Variants in PPARG observed in about 807,000 individuals in gnomAD.
PPARG encodes peroxisome proliferator-activated receptor gamma.
A neutral mutation model predicts 39.2 loss-of-function variants in PPARG; 17 were observed. The observed-to-expected ratio is 0.43, with a 90% CI of 0.30 to 0.65. The LOEUF (loss-of-function observed/expected upper bound fraction) is 0.65. Ranked by LOEUF, PPARG falls within the 30% of genes least tolerant of loss-of-function variation. The probability of loss-of-function intolerance (pLI) is 0.13; values close to 1 mark genes in which losing one functional copy is unlikely to be tolerated. For synonymous variants in PPARG, 223 were observed against 215.7 expected (o/e 1.03, Z -0.30); for missense variants, 406 against 585.9 (o/e 0.69, Z 3.17).
chr3:12,433,754 C>T (rs2051751467), intron 7 of PPARG, 144 bp from the exon 8 acceptor site: 1 of 1,151,046 alleles, frequency 8.7e-7, no homozygotes, highest in African/African-American at 1.5e-5. Flanking sequence ...GCTTACCCTT[C>T]CTCCCCACCT....
intron 1 of PPARG, among the ~76,000 whole-genome samples, chr3:12,294,991 G>T (rs188984204): frequency 9.9e-5 from 15 of 152,276 alleles, no homozygotes; most frequent in Non-Finnish European, 1.9e-4. Flanking sequence ...AAACTTAGTA[G>T]CCACCTCAAA....
chr3:12,332,032 G>A (rs1364820890), intron 2 of PPARG, among the ~76,000 whole-genome samples: 3 of 152,204 alleles, frequency 2.0e-5, no homozygotes, highest in Admixed American at 6.5e-5. Context: ...GAAACTATAT[G>A]TGTGGAGATA....
intron 4 of PPARG, among the ~76,000 whole-genome samples, chr3:12,385,722 G>A (rs1390512434): frequency 6.6e-6 from 1 of 152,082 alleles, no homozygotes; most frequent in Non-Finnish European, 1.5e-5. Flanking sequence ...CCACTTGTAT[G>A]TCTATTCATC....
chr3:12,303,227 C>T (rs564271093), intron 1 of PPARG, among the ~76,000 whole-genome samples: 53 of 151,512 alleles, frequency 3.5e-4, no homozygotes, highest in African/African-American at 1.1e-3. Flanking sequence ...GATGGAGTCT[C>T]ACTCTGTCAC....
intron 4 of PPARG, among the ~76,000 whole-genome samples, chr3:12,391,278 T>C (rs55825036): frequency 0.11 from 17,405 of 152,046 alleles, 3,248 homozygotes; most frequent in African/African-American, 0.39. Flanking sequence ...ACTAAAACAA[T>C]AATAAGTAAA....
At chr3:12,366,655 A>G (rs2049027432) in intron 2 of PPARG, among the ~76,000 whole-genome samples, 1 of 151,996 alleles carries the variant, frequency 6.6e-6, no homozygotes, top group African/African-American at 2.4e-5. Context: ...TGATATGATC[A>G]TGTGATTTTT....
intron 7 of PPARG, 103 bp from the exon 8 acceptor site, chr3:12,433,795 A>T: frequency 6.5e-7 from 1 of 1,546,214 alleles, no homozygotes; most frequent in Non-Finnish European, 8.9e-7. Context: ...CAAACCAAAA[A>T]TACAGATGAG....
At chr3:12,427,367 G>T (rs1023356758) in intron 7 of PPARG, among the ~76,000 whole-genome samples, 1 of 152,142 alleles carries the variant, frequency 6.6e-6, no homozygotes, top group Non-Finnish European at 1.5e-5. Flanking sequence ...AACCCCAAAC[G>T]TGTCTGCATC....
At chr3:12,342,165 A>G (rs9870196) in intron 2 of PPARG, among the ~76,000 whole-genome samples, 15,905 of 152,176 alleles carry the variant, frequency 0.1, 2,733 homozygotes, top group African/African-American at 0.36. Context: ...TTTAACTTGA[A>G]TCCAGAAATC....
chr3:12,350,670 C>T (rs1370518387), intron 2 of PPARG, among the ~76,000 whole-genome samples: 1 of 152,202 alleles, frequency 6.6e-6, no homozygotes, highest in Non-Finnish European at 1.5e-5. Context: ...ACAAAACTGA[C>T]CACAATTCCT....
At chr3:12,375,821 A>T (rs1462896057) in intron 2 of PPARG, among the ~76,000 whole-genome samples, 2 of 152,212 alleles carry the variant, frequency 1.3e-5, no homozygotes, top group Non-Finnish European at 2.9e-5. Context: ...ACTGAAACAC[A>T]GATAACTTAA....
At chr3:12,361,043 C>T (rs2048831520) in intron 2 of PPARG, among the ~76,000 whole-genome samples, 1 of 152,144 alleles carries the variant, frequency 6.6e-6, no homozygotes, top group Non-Finnish European at 1.5e-5. Flanking sequence ...AGTGTTCTAG[C>T]TCTTCTACAC....
intron 4 of PPARG, among the ~76,000 whole-genome samples, chr3:12,381,961 T>C (rs1482922291): frequency 6.6e-6 from 1 of 152,194 alleles, no homozygotes; most frequent in East Asian, 1.9e-4. Flanking sequence ...CCGTGTAATA[T>C]TGTATAGACA....
At chr3:12,417,682 A>G (rs1010857834) in intron 7 of PPARG, among the ~76,000 whole-genome samples, 1 of 152,094 alleles carries the variant, frequency 6.6e-6, no homozygotes, top group Non-Finnish European at 1.5e-5. Flanking sequence ...TCTTGTGTGG[A>G]TTCCTCTGAT....
At chr3:12,392,022 A>G (rs192846962) in intron 4 of PPARG, among the ~76,000 whole-genome samples, 71 of 152,306 alleles carry the variant, frequency 4.7e-4, no homozygotes, top group African/African-American at 1.6e-3. Context: ...ATTACTTCTC[A>G]TGTTATTCCC....
chr3:12,342,571 T>TA (rs1314897034), intron 2 of PPARG, among the ~76,000 whole-genome samples: 3 of 152,168 alleles, frequency 2.0e-5, no homozygotes, highest in Admixed American at 2.0e-4. Flanking sequence ...TCATTTTGAT[T>TA]AAAAAATACA....
At chr3:12,314,303 AATTG>A (rs760665765) in intron 2 of PPARG, among the ~76,000 whole-genome samples, 4 of 147,168 alleles carry the variant, frequency 2.7e-5, no homozygotes, top group African/African-American at 5.0e-5. Flanking sequence ...TTAATTAATT[AATTG>A]AGTGAAAGTT....
At chr3:12,381,298 C>T (rs1263283591) in intron 3 of PPARG, 24 bp from the exon 4 acceptor site, 1 of 1,609,974 alleles carries the variant, frequency 6.2e-7, no homozygotes, top group Admixed American at 1.7e-5. Context: ...GGATAATTAT[C>T]CTCTCACATG....
chr3:12,310,225 C>G (rs931561547), intron 1 of PPARG, among the ~76,000 whole-genome samples: 40 of 152,134 alleles, frequency 2.6e-4, no homozygotes, highest in African/African-American at 9.6e-4. Context: ...CTGTTTGATC[C>G]GACACTTGGG....
Sources: gnomAD v4.1 joint callset for allele counts (sites outside exome capture counted in the v4.1 genomes callset) on GRCh38, gnomAD v4.1.1 for gene constraint, MANE v1.5 for transcripts, NCBI Gene and HGNC (gene_info 2026-07-23, HGNC 2026-07-21) for gene names.